The following TMCC2 variants were observed in gnomAD, a reference collection of about 807,000 sequenced individuals.
The protein encoded by TMCC2 is transmembrane and coiled-coil domains protein 2.
A neutral mutation model predicts 49.4 loss-of-function variants in TMCC2; 16 were observed. That is an observed-to-expected ratio of 0.32 (90% CI 0.22 to 0.49). The LOEUF (loss-of-function observed/expected upper bound fraction) is 0.49. Ranked by LOEUF, TMCC2 falls within the 20% of genes least tolerant of loss-of-function variation. The probability of loss-of-function intolerance (pLI) is 0.99; values close to 1 mark genes in which losing one functional copy is unlikely to be tolerated. For missense variants in TMCC2, 762 were observed against 989.8 expected, an observed-to-expected ratio of 0.77 and a Z score of 3.09; for synonymous variants, 397 against 434.1, an observed-to-expected ratio of 0.91 and a Z score of 1.06.
intron 2 of TMCC2, among the ~76,000 whole-genome samples, chr1:205,261,685 A>G (rs1661121708): frequency 6.6e-6 from 1 of 152,002 alleles, no homozygotes; most frequent in South Asian, 2.1e-4. Context: ...TCTCAAAAAA[A>G]AAAAAATTAT....
chr1:205,245,826 T>C (rs1339724771), intron 2 of TMCC2, among the ~76,000 whole-genome samples: 2 of 151,404 alleles, frequency 1.3e-5, no homozygotes, highest in Non-Finnish European at 2.9e-5. Flanking sequence ...TGAGAGAGTC[T>C]TACTTTGTCA....
chr1:205,251,128 G>A (rs778728337), intron 2 of TMCC2, among the ~76,000 whole-genome samples: 2 of 152,144 alleles, frequency 1.3e-5, no homozygotes, highest in African/African-American at 2.4e-5. Context: ...CAGAGCAGAG[G>A]GCGCTGAAAT....
intron 1 of TMCC2, among the ~76,000 whole-genome samples, chr1:205,238,997 G>A (rs546717124): frequency 1.6e-4 from 24 of 152,292 alleles, no homozygotes; most frequent in African/African-American, 5.8e-4. Context: ...AAGGCAATAT[G>A]GCAGACATCG....
intron 1 of TMCC2, among the ~76,000 whole-genome samples, chr1:205,235,976 G>A (rs1177022118): frequency 6.6e-6 from 1 of 151,234 alleles, no homozygotes; most frequent in Non-Finnish European, 1.5e-5. Context: ...GGCTGAGGCA[G>A]GAGATTTGCT....
At chr1:205,255,325 C>T (rs12038980) in intron 2 of TMCC2, among the ~76,000 whole-genome samples, 26,557 of 151,634 alleles carry the variant, frequency 0.18, 3,074 homozygotes, top group East Asian at 0.43. Context: ...GAGGCTGAGG[C>T]GGGTGGATCA....
chr1:205,228,924 G>A, intron 1 of TMCC2, 153 bp downstream of exon 1: 1 of 1,428,044 alleles, frequency 7.0e-7, no homozygotes, highest in South Asian at 1.5e-5. Context: ...CAGGGGGGAC[G>A]TCAGGTACCA....
rs1349724523 is a variant in TMCC2 at position 205,272,620 on chromosome 1, G to A, written c.*496G>A. ...GAACACAGGGATGGGAGGGTCCCTA[G>A]CCTTCGGGCACCTCCAGGGCCAGAG... is the stretch of plus-strand genomic sequence containing the variant. On this transcript the variant is annotated 3_prime_UTR_variant, in exon 5 of 5. Coordinates refer to ENST00000358024, the MANE Select transcript of TMCC2 (RefSeq NM_014858.4). 6.2e-6 allele frequency: 1 copy of A among 162,006 alleles called. No individual in the cohort carries two copies. Among genetic ancestry groups the A allele is most frequent in the African/African-American group, 2.4e-5 (1 of 41,518 alleles). The allele number at this position is 162,006 out of a possible 1,614,324, so 10.0% of individuals were successfully genotyped here.
Position 205,271,838 on chromosome 1 carries a change from G to A in TMCC2, c.1844G>A (p.Arg615Gln), listed in dbSNP as rs768740121. The change falls in exon 5 of 5, where the codon CGG (arginine) becomes CAG (glutamine). Residue 615 changes from arginine (R) to glutamine (Q), a missense_variant. Around this residue, in one of 2 missense-constraint regions of TMCC2, gnomAD observed 440 missense variants for 636.7 expected, o/e 0.69. Transcript: ENST00000358024. ...GAGGCCGTGGAGTCCTGCCTGACCC[G>A]GGTCACCAAGCTGGAGCTGCAGCAG... ...IQEAVESCLT[R>Q]VTKLELQQQQ... is the part of the protein sequence containing the mutation. 2.5e-6 allele frequency: 4 copies of A among 1,612,630 alleles called. No homozygotes were observed. The highest frequency in any genetic ancestry group is 1.1e-5 in the South Asian group (1 of 91,056).
At chr1:205,251,618 A>G (rs188362170) in intron 2 of TMCC2, among the ~76,000 whole-genome samples, 23 of 152,350 alleles carry the variant, frequency 1.5e-4, no homozygotes, top group African/African-American at 5.5e-4. Context: ...AGTGCTCTGT[A>G]ACATTAACTT....
Position 205,228,513 on chromosome 1 carries a change from C to G in TMCC2, c.-52C>G. 6.5e-7 allele frequency: 1 copy of G among 1,539,310 alleles called. No homozygotes were observed. The highest frequency in any genetic ancestry group is 8.8e-7 in the Non-Finnish European group (1 of 1,131,958). On this transcript the variant is annotated 5_prime_UTR_variant, in exon 1 of 5. Coordinates refer to ENST00000358024, the MANE Select transcript of TMCC2 (RefSeq NM_014858.4). ...GAATATAAGAGGGGGTGCGGTCTTC[C>G]CCAAGACGGCGCGCTGGAAGGACAG...
chr1:205,235,196 C>A (rs934646917), intron 1 of TMCC2, among the ~76,000 whole-genome samples: 1 of 152,096 alleles, frequency 6.6e-6, no homozygotes, highest in Non-Finnish European at 1.5e-5. Context: ...CCCCCCACCC[C>A]CTCCAGCCTA....
intron 2 of TMCC2, among the ~76,000 whole-genome samples, chr1:205,265,623 G>A (rs1490667281): frequency 6.6e-6 from 1 of 150,616 alleles, no homozygotes; most frequent in East Asian, 2.0e-4. Flanking sequence ...GTGCAGTGGC[G>A]TGATCTCGGC....
At chr1:205,270,267 C>T (rs571663485) in intron 3 of TMCC2, among the ~76,000 whole-genome samples, 7 of 152,264 alleles carry the variant, frequency 4.6e-5, no homozygotes, top group South Asian at 2.1e-4. Context: ...AGGCTGGTCT[C>T]GATCTCCTGA....
intron 1 of TMCC2, among the ~76,000 whole-genome samples, chr1:205,233,127 T>G (rs1020010768): frequency 6.6e-6 from 1 of 151,962 alleles, no homozygotes; most frequent in Admixed American, 6.6e-5. Flanking sequence ...ATTACCAACC[T>G]CCCCACCTCT....
At chr1:205,270,635 C>CGGTT (rs902121274) in intron 3 of TMCC2, among the ~76,000 whole-genome samples, 8 of 152,168 alleles carry the variant, frequency 5.3e-5, no homozygotes, top group African/African-American at 1.9e-4. Context: ...AAAAGCTAAC[C>CGGTT]ACTCCTCACA....
intron 2 of TMCC2, among the ~76,000 whole-genome samples, chr1:205,243,609 A>G (rs1202647972): frequency 6.6e-6 from 1 of 152,216 alleles, no homozygotes; most frequent in Non-Finnish European, 1.5e-5. Context: ...TTCTAAGGTT[A>G]TGGGCTTAGT....
At chr1:205,266,232 C>T (rs1661322805) in intron 2 of TMCC2, among the ~76,000 whole-genome samples, 1 of 127,958 alleles carries the variant, frequency 7.8e-6, no homozygotes, top group Non-Finnish European at 1.6e-5. Context: ...CAGAGCGAGA[C>T]TCTGTCTCAA....
chr1:205,270,587 A>G (rs1661548830), intron 3 of TMCC2, among the ~76,000 whole-genome samples: 1 of 152,158 alleles, frequency 6.6e-6, no homozygotes, highest in Non-Finnish European at 1.5e-5. Flanking sequence ...CTCCATATAT[A>G]TAAAGAAGGC....
intron 4 of TMCC2, 186 bp downstream of exon 4, chr1:205,271,441 G>T: frequency 1.0e-6 from 1 of 961,804 alleles, no homozygotes; most frequent in Non-Finnish European, 1.6e-6. Context: ...ACAGGCCTGA[G>T]GCTGACAGCG....
Sources: gnomAD v4.1 joint callset for allele counts (sites outside exome capture counted in the v4.1 genomes callset) on GRCh38, gnomAD v4.1.1 for gene constraint, gnomAD v4.1.1 regional missense constraint, MANE v1.5 for transcripts, NCBI Gene and HGNC (gene_info 2026-07-23, HGNC 2026-07-21) for gene names.